Variants in HSPD1 observed in about 807,000 individuals in gnomAD.
The protein encoded by HSPD1 is heat shock protein family D (Hsp60) member 1, also known as 60 kDa heat shock protein, mitochondrial.
Under a neutral mutation model 53.0 loss-of-function variants are expected in HSPD1, and 3 were observed. The ratio of observed to expected loss-of-function variants is 0.06; its 90% CI spans 0.03 to 0.15. The LOEUF (loss-of-function observed/expected upper bound fraction) is 0.15, where lower values mean the gene tolerates loss of function less well. HSPD1 is among the 10% of genes least tolerant of loss of function. HSPD1 has a pLI of 1.00. For synonymous variants in HSPD1, 200 were observed against 228.0 expected (o/e 0.88, Z 1.10); for missense variants, 431 against 694.1 (o/e 0.62, Z 4.26).
chr2:197,495,428 T>G, intron 3 of HSPD1, 52 bp from the exon 4 acceptor site: 1 of 1,148,528 alleles, frequency 8.7e-7, no homozygotes, highest in Admixed American at 1.7e-5. Flanking sequence ...ATGGCTTCTA[T>G]GTCAAGTAGA....
chr2:197,494,343 A>C, intron 5 of HSPD1, 93 bp from the exon 6 acceptor site: 1 of 760,598 alleles, frequency 1.3e-6, no homozygotes, highest in Non-Finnish European at 2.4e-6. Context: ...CCCTCTGGCC[A>C]TAAGAGATGC....
Position 197,489,537 on chromosome 2 carries a change from C to T in HSPD1, c.970-290G>A, listed in dbSNP as rs117845156. ...GGACAAGACCATAGGCCTTGACTCT[C>T]AAGTCCTACATCCCTTGTAGCATAC... On this transcript the variant is annotated intron_variant, in intron 8 of 11. Transcript: ENST00000388968. Among the ~76,000 whole-genome samples, 87 of 152,304 alleles carry T rather than the reference C, an allele frequency of 5.7e-4. No individual in the cohort carries two copies. In the East Asian group the frequency reaches 0.016, roughly 29 times the overall value.
intron 11 of HSPD1, 62 bp downstream of exon 11, chr2:197,487,794 GAT>G: frequency 7.5e-7 from 1 of 1,329,580 alleles, no homozygotes; most frequent in South Asian, 1.2e-5. Flanking sequence ...AAAGATTTGG[GAT>G]GTGAGGATAC....
At chr2:197,499,282 G>C (rs2086205387) in intron 1 of HSPD1, 2 of 287,460 alleles carry the variant, frequency 7.0e-6, no homozygotes, top group African/African-American at 4.5e-5. Flanking sequence ...GCTCAGCAAA[G>C]TGTCTCCATG....
intron 4 of HSPD1, 23 bp downstream of exon 4, chr2:197,495,271 C>T (rs775517521): frequency 9.6e-6 from 14 of 1,451,678 alleles, no homozygotes; most frequent in Middle Eastern, 2.0e-4. Flanking sequence ...TTTTAAAAAA[C>T]GTGTAACATG....
rs149376856 is a variant in HSPD1 at position 197,498,811 on chromosome 2, G to T, written c.38C>A (p.Pro13Gln). The change falls in exon 2 of 12, where the codon CCG becomes CAG. Residue 13 changes from proline (P) to glutamine (Q), a missense_variant. Pro to Gln is a moderately conservative substitution (Grantham distance 76). Coordinates refer to ENST00000388968, the MANE Select transcript of HSPD1 (RefSeq NM_002156.5). Reference sequence around the variant, plus strand: ...ATGAGGAGCCAGTACCCTGGACACCGGTCTCATCTGGCGAAAGACTGTGGG... The same window carrying T: ...ATGAGGAGCCAGTACCCTGGACACCTGTCTCATCTGGCGAAAGACTGTGGG... ...RLPTVFRQMRPVSRVLAPHLT... is the reference protein window; with the variant it reads ...RLPTVFRQMRQVSRVLAPHLT... 1.9e-6 allele frequency: 3 copies of T among 1,614,060 alleles called. No homozygotes were observed. The highest frequency in any genetic ancestry group is 1.3e-5 in the African/African-American group (1 of 74,920).
upstream of HSPD1, chr2:197,499,972 C>T (rs1199879175): frequency 6.2e-6 from 1 of 161,580 alleles, no homozygotes; most frequent in Non-Finnish European, 1.4e-5. Context: ...TCTGCACACC[C>T]TGCGCGCGAG....
chr2:197,495,108 G>A (rs1274926981), intron 4 of HSPD1, 186 bp downstream of exon 4: 1 of 624,120 alleles, frequency 1.6e-6, no homozygotes, highest in African/African-American at 1.8e-5. Flanking sequence ...ACAACCACAT[G>A]TAGAACTAAA....
chr2:197,489,156 T>A lies in HSPD1; in HGVS notation c.1061A>T (p.Asp354Val), dbSNP rs1189963665. 1 of 1,614,182 alleles carries A rather than the reference T, an allele frequency of 6.2e-7. No individual in the cohort carries two copies. The highest frequency in any genetic ancestry group is 8.5e-7 in the Non-Finnish European group (1 of 1,180,016). ...KVGEVIVTKD[D>V]AMLLKGKGDK... ...ACCTTTTCCTTTTAAGAGCATGGCA[T>A]CGTCTTTGGTCACAATGACCTCTCC... Residue 354 changes from aspartate (D) to valine (V), a missense_variant, in exon 9 of 12, where the codon GAT (aspartate) becomes GTT (valine). By Grantham distance (152) the Asp-to-Val change is radical. Around this residue, in one of 2 missense-constraint regions of HSPD1, gnomAD observed 386 missense variants for 657.6 expected, o/e 0.59. Coordinates refer to ENST00000388968, the MANE Select transcript of HSPD1 (RefSeq NM_002156.5).
At chr2:197,487,399 T>C (rs563876641) in intron 11 of HSPD1, among the ~76,000 whole-genome samples, 1 of 152,042 alleles carries the variant, frequency 6.6e-6, no homozygotes, top group Admixed American at 6.6e-5. Flanking sequence ...ATACAAAAAT[T>C]AGCCAGGCAT....
chr2:197,489,622 G>A (rs2086066293), intron 8 of HSPD1, among the ~76,000 whole-genome samples: 1 of 152,170 alleles, frequency 6.6e-6, no homozygotes, highest in Non-Finnish European at 1.5e-5. Context: ...GACTTTGGGA[G>A]GCGGAGGCAG....
chr2:197,486,973 G>A lies in HSPD1; in HGVS notation c.*73C>T. ...ATTTTCTCCAACTGACTTCTCTGAA[G>A]TTATTGGTGAGGAACACTGCCTTGG... On this transcript the variant is annotated 3_prime_UTR_variant, in exon 12 of 12. Transcript: ENST00000388968. 9.4e-7 allele frequency: 1 copy of A among 1,065,890 alleles called. No individual in the cohort carries two copies. Among genetic ancestry groups the A allele is most frequent in the East Asian group, 2.4e-5 (1 of 42,454 alleles). 66.0% of individuals were successfully genotyped at this position (1,065,890 alleles called of 1,614,324 possible).
chr2:197,495,248 G>T (rs771186767), intron 4 of HSPD1, 46 bp downstream of exon 4: 4 of 1,065,622 alleles, frequency 3.8e-6, no homozygotes, highest in South Asian at 2.5e-5. Flanking sequence ...AATCACACAT[G>T]CCATTAAATT....
chr2:197,488,521 G>A (rs2086053677), intron 9 of HSPD1, 30 bp from the exon 10 acceptor site: 1 of 1,592,112 alleles, frequency 6.3e-7, no homozygotes, highest in African/African-American at 1.3e-5. Flanking sequence ...CAGTTAGTAT[G>A]GCCTCTTCAT....
In HSPD1 at chr2:197,494,721, T is replaced by A. The variant is rs375343475; in HGVS notation, c.542A>T (p.Glu181Val). 10 of 1,613,160 alleles carry A rather than the reference T, an allele frequency of 6.2e-6. No homozygotes were observed. The African/African-American group carries it at 1.3e-4, about 22-fold the overall frequency. Residue 181 changes from glutamate to valine, a missense_variant, in exon 5 of 12, where the codon GAA (glutamate) becomes GTA (valine). Glu to Val is a moderately radical substitution (Grantham distance 121). Transcript: ENST00000388968. Reference protein sequence around the residue: ...VATISANGDKEIGNIISDAMK... With the variant: ...VATISANGDKVIGNIISDAMK... Reference sequence around the variant, plus strand: ...TGCATCAGAGATGATATTGCCAATTTCTTTGTCTCCGTTTGCAGAAATCGT... The same window carrying A: ...TGCATCAGAGATGATATTGCCAATTACTTTGTCTCCGTTTGCAGAAATCGT...
At chr2:197,493,230 G>C (rs899663802) in intron 7 of HSPD1, 94 bp downstream of exon 7, 7 of 1,027,226 alleles carry the variant, frequency 6.8e-6, no homozygotes, top group South Asian at 1.3e-5. Flanking sequence ...TGGATCAAAT[G>C]TGGAGGTACA....
At chr2:197,496,957 G>C in intron 3 of HSPD1, 183 bp downstream of exon 3, 1 of 658,642 alleles carries the variant, frequency 1.5e-6, no homozygotes, top group Non-Finnish European at 2.7e-6. Flanking sequence ...TTACCTAACA[G>C]TACCTACCCA....
At chr2:197,498,888 C>G (rs2086197269) in intron 1 of HSPD1, 38 bp from the exon 2 acceptor site, 1 of 1,582,740 alleles carries the variant, frequency 6.3e-7, no homozygotes, top group Non-Finnish European at 8.7e-7. Flanking sequence ...GAACTACCAC[C>G]CGTGGTGCGC....
chr2:197,490,160 A>C lies in HSPD1; in HGVS notation c.969+37T>G, dbSNP rs761364454. The C allele has an allele frequency of 2.2e-6, 3 of 1,341,974 alleles. No individual in the cohort carries two copies. In the Admixed American group the frequency reaches 5.0e-5, roughly 22 times the overall value. The allele number at this position is 1,341,974 out of a possible 1,614,324, so 83.1% of individuals were successfully genotyped here. On this transcript the variant is annotated intron_variant, in intron 8 of 11. Coordinates refer to ENST00000388968, the MANE Select transcript of HSPD1 (RefSeq NM_002156.5). ...ATCTATAAATTCCAGACAAGTATAAACATTCAGCAAACCATTATCACATTT... is the reference window on the plus strand; with the variant it reads ...ATCTATAAATTCCAGACAAGTATAACCATTCAGCAAACCATTATCACATTT...
Sources: allele counts gnomAD v4.1 joint callset (sites outside exome capture counted in the v4.1 genomes callset), GRCh38; gene constraint gnomAD v4.1.1; regional missense constraint gnomAD v4.1.1; transcripts MANE v1.5; gene names NCBI Gene and HGNC (gene_info 2026-07-23, HGNC 2026-07-21).